The following CLECL1 variants were observed in gnomAD, a reference collection of about 807,000 sequenced individuals.
CLECL1 encodes the protein C-type lectin-like domain family 1.
chr12:9,722,470 A>G (rs1017854720), downstream of CLECL1: 26 of 1,317,052 alleles, frequency 2.0e-5, no homozygotes, highest in Non-Finnish European at 2.5e-5. Context: ...CTAGCCGGAA[A>G]AAAAAAAAAC....
chr12:9,716,582 C>T (rs1163024039), exon 3 of CLECL1: 6 of 226,862 alleles, frequency 2.6e-5, no homozygotes, highest in Non-Finnish European at 3.6e-5. Context: ...CATCTCCTGG[C>T]GGCTGGTGGC....
chr12:9,705,494 T>C, the CLECL1 span, among the ~76,000 whole-genome samples: 3 of 152,210 alleles, frequency 2.0e-5, no homozygotes, highest in Non-Finnish European at 2.9e-5. Flanking sequence ...ATATCCTGAA[T>C]GTTATTGCTT....
At chr12:9,725,836 C>G (rs1866372784) in intron 3 of CLECL1, among the ~76,000 whole-genome samples, 1 of 152,046 alleles carries the variant, frequency 6.6e-6, no homozygotes, top group South Asian at 2.1e-4. Flanking sequence ...TGGGGAGCAG[C>G]ATTTGGTAAA....
chr12:9,732,857 C>T (rs1201307874), intron 1 of CLECL1, 92 bp downstream of exon 1: 1 of 1,093,848 alleles, frequency 9.1e-7, no homozygotes, highest in Non-Finnish European at 1.3e-6. Context: ...CCAATCTCCT[C>T]TTTTCAGTTT....
chr12:9,708,939 G>A, the CLECL1 span: 1 of 254,196 alleles, frequency 3.9e-6, no homozygotes, highest in Non-Finnish European at 7.4e-6. Context: ...GAACCATTGG[G>A]ACGGCTTTGA....
chr12:9,715,446 C>A (rs1178137882), downstream of CLECL1, among the ~76,000 whole-genome samples: 1 of 152,190 alleles, frequency 6.6e-6, no homozygotes, highest in Admixed American at 6.5e-5. Flanking sequence ...TCGGGCTGGT[C>A]ACTTCCTGGA....
downstream of CLECL1, among the ~76,000 whole-genome samples, chr12:9,722,123 T>A (rs920375845): frequency 1.3e-5 from 2 of 152,246 alleles, no homozygotes; most frequent in African/African-American, 4.8e-5. Context: ...ATTTAACATG[T>A]ACATTGACCT....
chr12:9,709,517 C>T, the CLECL1 span, among the ~76,000 whole-genome samples: 57 of 152,318 alleles, frequency 3.7e-4, no homozygotes, highest in African/African-American at 1.3e-3. Context: ...GATAGAGGCT[C>T]TCCAGAATTT....
chr12:9,722,690 G>A, exon 4 of CLECL1: 1 of 1,613,746 alleles, frequency 6.2e-7, no homozygotes, highest in South Asian at 1.1e-5. Flanking sequence ...ATTGTTTATG[G>A]CACAGTCATT....
intron 3 of CLECL1, among the ~76,000 whole-genome samples, chr12:9,724,760 G>A (rs7306557): frequency 0.55 from 83,121 of 151,636 alleles, 23,261 homozygotes; most frequent in African/African-American, 0.66. Context: ...AGAAAGATTA[G>A]GGCAAAACAA....
chr12:9,731,841 C>A (rs1046890315), intron 1 of CLECL1, among the ~76,000 whole-genome samples: 2 of 152,084 alleles, frequency 1.3e-5, no homozygotes, highest in Admixed American at 6.5e-5. Context: ...CCCTGGAATG[C>A]GGAATCAAAA....
At chr12:9,711,225 C>T (rs1389994143), downstream of CLECL1, among the ~76,000 whole-genome samples, 2 of 152,272 alleles carry the variant, frequency 1.3e-5, no homozygotes, top group East Asian at 3.9e-4. Context: ...CCATCTCACA[C>T]CCTGCAAGGG....
At chr12:9,712,779 T>C (rs1393091809), downstream of CLECL1, among the ~76,000 whole-genome samples, 4 of 152,188 alleles carry the variant, frequency 2.6e-5, no homozygotes, top group African/African-American at 4.8e-5. Context: ...TTTTGCCAAC[T>C]TCTTTTTTTA....
downstream of CLECL1, among the ~76,000 whole-genome samples, chr12:9,721,940 T>A (rs1194421958): frequency 1.3e-5 from 2 of 152,186 alleles, no homozygotes; most frequent in Non-Finnish European, 2.9e-5. Flanking sequence ...CAAGAGGGAC[T>A]TTTTCCCTCA....
chr12:9,723,282 T>C lies in CLECL1; in HGVS notation n.263-469A>G, dbSNP rs377519575. Among the ~76,000 whole-genome samples the C allele has an allele frequency of 3.3e-5, 5 of 152,358 alleles. No homozygotes were observed. The East Asian group carries it at 7.7e-4, about 23-fold the overall frequency. ...AAATCAAATAGGTTCATCTCTATTA[T>C]CACACAAAACGATCTTGACATCTAA... On this transcript the variant is annotated intron_variant and non_coding_transcript_variant, in intron 3 of 3. Coordinates refer to ENST00000621400, the Ensembl canonical transcript of CLECL1.
At chr12:9,703,528 G>C in the CLECL1 span, among the ~76,000 whole-genome samples, 1 of 151,964 alleles carries the variant, frequency 6.6e-6, no homozygotes, top group Non-Finnish European at 1.5e-5. Context: ...CCAAGCAGCT[G>C]GGACCACAGG....
Position 9,729,420 on chromosome 12 carries a change from CATG to C in CLECL1, n.168+168_168+170del, listed in dbSNP as rs1866418931. 2.6e-5 allele frequency among the ~76,000 whole-genome samples: 4 copies of C among 152,166 alleles called. No homozygotes were observed. In the South Asian group the frequency reaches 8.3e-4, roughly 32 times the overall value. Reference sequence around the variant, plus strand: ...TGAATTTATAATGTATATTTTATCACATGGTGAAATTCTATAGAAAATCTCTAA... The same window carrying C: ...TGAATTTATAATGTATATTTTATCACGTGAAATTCTATAGAAAATCTCTAA... On this transcript the variant is annotated intron_variant and non_coding_transcript_variant, in intron 2 of 3. Transcript: ENST00000621400.
At chr12:9,732,066 A>C (rs1866454159) in intron 1 of CLECL1, among the ~76,000 whole-genome samples, 1 of 152,220 alleles carries the variant, frequency 6.6e-6, no homozygotes. Context: ...GTAAGGTTTA[A>C]AATAAGAAAC....
At chr12:9,704,540 T>C in the CLECL1 span, among the ~76,000 whole-genome samples, 1 of 152,318 alleles carries the variant, frequency 6.6e-6, no homozygotes, top group East Asian at 1.9e-4. Flanking sequence ...TCCATTATTT[T>C]TTAAATTCTC....
Sources: allele counts gnomAD v4.1 joint callset (sites outside exome capture counted in the v4.1 genomes callset), GRCh38; gene constraint gnomAD v4.1.1; transcripts MANE v1.5; gene names NCBI Gene and HGNC (gene_info 2026-07-23, HGNC 2026-07-21).